RHOBTB1: variants seen among roughly 807,000 people sequenced by gnomAD.
RHOBTB1 encodes the protein rho-related BTB domain-containing protein 1.
RHOBTB1 carries 40 observed loss-of-function variants against 71.6 expected under a neutral mutation model. That is an observed-to-expected ratio of 0.56 (90% CI 0.43 to 0.73). The LOEUF is 0.73. Among genes scored for constraint, RHOBTB1 ranks in the 30% least tolerant of loss-of-function variants. The pLI is 0.00. For missense variants in RHOBTB1, 797 were observed against 894.0 expected, an observed-to-expected ratio of 0.89 and a Z score of 1.38; for synonymous variants, 319 against 334.9, an observed-to-expected ratio of 0.95 and a Z score of 0.52.
At chr10:60,991,431 CTTT>C (rs34517890) in intron 1 of RHOBTB1, among the ~76,000 whole-genome samples, 8 of 133,950 alleles carry the variant, frequency 6.0e-5, no homozygotes, top group Admixed American at 7.6e-5. Context: ...TCCCTCAGTA[CTTT>C]TTTTTTTTTT....
chr10:60,911,666 CA>C (rs2082979275), intron 2 of RHOBTB1, 114 bp from the exon 3 acceptor site: 1 of 800,542 alleles, frequency 1.2e-6, no homozygotes, highest in Non-Finnish European at 2.1e-6. Flanking sequence ...TGGAGGTGCA[CA>C]AGCACAGGAA....
chr10:60,992,673 G>GC (rs1364321347), intron 1 of RHOBTB1, among the ~76,000 whole-genome samples: 5 of 152,070 alleles, frequency 3.3e-5, no homozygotes, highest in Non-Finnish European at 5.9e-5. Flanking sequence ...TTTTTCTCAT[G>GC]CCCCCAAATC....
chr10:60,929,064 A>C (rs969349672), intron 2 of RHOBTB1, among the ~76,000 whole-genome samples: 2 of 152,026 alleles, frequency 1.3e-5, no homozygotes, highest in Admixed American at 6.6e-5. Flanking sequence ...AAACAATCAG[A>C]TCTCCTGAGA....
chr10:60,895,214 A>G (rs1290938073), intron 4 of RHOBTB1, among the ~76,000 whole-genome samples: 1 of 152,216 alleles, frequency 6.6e-6, no homozygotes, highest in Non-Finnish European at 1.5e-5. Context: ...TCACCTCAAA[A>G]TAATGATAGT....
At chr10:60,876,113 T>C (rs2081041263) in intron 8 of RHOBTB1, among the ~76,000 whole-genome samples, 1 of 152,210 alleles carries the variant, frequency 6.6e-6, no homozygotes, top group African/African-American at 2.4e-5. Flanking sequence ...TGGAACTAAA[T>C]TTCCCAGAGA....
chr10:60,891,412 C>T (rs1589211093), intron 5 of RHOBTB1, among the ~76,000 whole-genome samples: 1 of 136,776 alleles, frequency 7.3e-6, no homozygotes, highest in Admixed American at 8.3e-5. Context: ...GCAATCATGG[C>T]CCACTGCAGC....
At chr10:60,879,080 T>C (rs954849542) in intron 7 of RHOBTB1, among the ~76,000 whole-genome samples, 9 of 152,204 alleles carry the variant, frequency 5.9e-5, no homozygotes, top group African/African-American at 2.2e-4. Flanking sequence ...ACTTTTGCCA[T>C]TTTACAGAAA....
chr10:60,923,096 T>C (rs2083661901), intron 2 of RHOBTB1, among the ~76,000 whole-genome samples: 1 of 152,238 alleles, frequency 6.6e-6, no homozygotes, highest in African/African-American at 2.4e-5. Flanking sequence ...CCTATGGTTA[T>C]CCAAGTATTT....
At chr10:60,898,503 A>T (rs1327650451) in intron 4 of RHOBTB1, among the ~76,000 whole-genome samples, 1 of 152,082 alleles carries the variant, frequency 6.6e-6, no homozygotes, top group Non-Finnish European at 1.5e-5. Flanking sequence ...ATGCAGAGGG[A>T]GTTGTCAGTG....
intron 7 of RHOBTB1, among the ~76,000 whole-genome samples, chr10:60,882,976 C>T (rs1300854272): frequency 6.6e-6 from 1 of 152,178 alleles, no homozygotes; most frequent in Admixed American, 6.5e-5. Flanking sequence ...CTTCTCTGCC[C>T]TTTGACAAAG....
chr10:60,874,305 T>C (rs2080940110), intron 9 of RHOBTB1, among the ~76,000 whole-genome samples: 1 of 152,226 alleles, frequency 6.6e-6, no homozygotes, highest in Non-Finnish European at 1.5e-5. Context: ...CACTCTTCAG[T>C]GCTCGCTCTT....
chr10:60,994,618 A>G (rs865945662), intron 1 of RHOBTB1, among the ~76,000 whole-genome samples: 4 of 152,144 alleles, frequency 2.6e-5, no homozygotes, highest in Non-Finnish European at 5.9e-5. Flanking sequence ...TGAGGGAAAG[A>G]TATCCTCAGG....
intron 2 of RHOBTB1, among the ~76,000 whole-genome samples, chr10:60,914,506 A>G (rs2083167923): frequency 6.6e-6 from 1 of 152,130 alleles, no homozygotes; most frequent in Non-Finnish European, 1.5e-5. Flanking sequence ...TGTCATATAG[A>G]GCCAATCCCT....
Position 60,870,438 on chromosome 10 carries a change from A to T in RHOBTB1, c.*1044T>A, listed in dbSNP as rs1393543915. The T allele has an allele frequency of 6.6e-6, 1 of 152,260 alleles. No individual in the cohort carries two copies. Among genetic ancestry groups the T allele is most frequent in the East Asian group, 1.9e-4 (1 of 5,196 alleles). 9.4% of individuals were successfully genotyped at this position (152,260 alleles called of 1,614,324 possible). ...TGCAGCAACATGAATTTTCCCTGGGAAGAGTTAAAAATATGGGTCTTACAA... is the reference window on the plus strand; with the variant it reads ...TGCAGCAACATGAATTTTCCCTGGGTAGAGTTAAAAATATGGGTCTTACAA... On this transcript the variant is annotated 3_prime_UTR_variant, in exon 11 of 11. Transcript: ENST00000337910.
intron 4 of RHOBTB1, among the ~76,000 whole-genome samples, chr10:60,899,452 G>A (rs2082309212): frequency 1.3e-5 from 2 of 152,166 alleles, no homozygotes; most frequent in African/African-American, 4.8e-5. Flanking sequence ...AAACTTCAGT[G>A]TCAGCTACCG....
chr10:60,959,995 A>C (rs1244466891), intron 2 of RHOBTB1, among the ~76,000 whole-genome samples: 1 of 152,248 alleles, frequency 6.6e-6, no homozygotes, highest in Non-Finnish European at 1.5e-5. Flanking sequence ...ATGCCATAAT[A>C]ATAAACAGTA....
intron 5 of RHOBTB1, 140 bp from the exon 6 acceptor site, chr10:60,889,325 C>T (rs1047945897): frequency 1.3e-6 from 1 of 755,896 alleles, no homozygotes; most frequent in Non-Finnish European, 2.0e-6. Flanking sequence ...TCTGCCACCA[C>T]CTCAAGTCTT....
Position 60,872,273 on chromosome 10 carries a change from C to A in RHOBTB1, c.1833G>T (p.Gln611His), listed in dbSNP as rs1212838889. The A allele has an allele frequency of 6.2e-7, 1 of 1,614,042 alleles. No individual in the cohort carries two copies. The highest frequency in any genetic ancestry group is 1.1e-5 in the South Asian group (1 of 91,068). Residue 611 changes from glutamine (Q) to histidine (H), a missense_variant, in exon 10 of 11, where the codon CAG becomes CAT. Gln to His is a conservative substitution (Grantham distance 24). Around this residue, in one of 2 missense-constraint regions of RHOBTB1, gnomAD observed 658 missense variants for 681.5 expected, o/e 0.97. Transcript: ENST00000337910. ...LELAQFHNAHQLAAWCLHHIC... is the reference protein window; with the variant it reads ...LELAQFHNAHHLAAWCLHHIC... Reference sequence around the variant, plus strand: ...TGTGGTGCAAACACCAGGCGGCCAACTGGTGGGCATTGTGAAACTGCAGAA... The same window carrying A: ...TGTGGTGCAAACACCAGGCGGCCAAATGGTGGGCATTGTGAAACTGCAGAA...
At chr10:60,873,484 C>T (rs1368447892) in intron 9 of RHOBTB1, among the ~76,000 whole-genome samples, 1 of 152,168 alleles carries the variant, frequency 6.6e-6, no homozygotes, top group Non-Finnish European at 1.5e-5. Flanking sequence ...CTTGTCAGGG[C>T]TTAGCAATAA....
Sources: allele counts gnomAD v4.1 joint callset (sites outside exome capture counted in the v4.1 genomes callset), GRCh38; gene constraint gnomAD v4.1.1; regional missense constraint gnomAD v4.1.1; transcripts MANE v1.5; gene names NCBI Gene and HGNC (gene_info 2026-07-23, HGNC 2026-07-21).